EHD2: variants seen among roughly 807,000 people sequenced by gnomAD.
The protein encoded by EHD2 is EH domain containing 2.
Under a neutral mutation model 41.0 loss-of-function variants are expected in EHD2, and 27 were observed. The observed-to-expected ratio is 0.66, with a 90% CI of 0.49 to 0.91. EHD2 has a LOEUF of 0.91. EHD2 is among the 40% of genes least tolerant of loss of function. EHD2 has a pLI of 0.00. For synonymous variants in EHD2, 342 were observed against 341.0 expected, an observed-to-expected ratio of 1.00 and a Z score of -0.03; for missense variants, 673 against 773.9, an observed-to-expected ratio of 0.87 and a Z score of 1.55.
chr19:47,721,038 T>C (rs143420234), intron 3 of EHD2, among the ~76,000 whole-genome samples: 146 of 152,248 alleles, frequency 9.6e-4, no homozygotes, highest in African/African-American at 3.3e-3. Flanking sequence ...TGTGTGCATC[T>C]CACATTATCT....
chr19:47,723,657 A>AAG (rs1248336951), intron 3 of EHD2, among the ~76,000 whole-genome samples: 2 of 142,674 alleles, frequency 1.4e-5, no homozygotes, highest in African/African-American at 5.3e-5. Context: ...CCGTCTGAAA[A>AAG]AAAAAAAAAA....
At chr19:47,731,338 C>T (rs1425624825) in intron 4 of EHD2, 1 of 107,380 alleles carries the variant, frequency 9.3e-6, no homozygotes, top group Non-Finnish European at 2.1e-5. Context: ...TAGATGGAGT[C>T]TCTCTCTATC....
rs771369990 is a variant in EHD2 at position 47,719,162 on chromosome 19, G to A, written c.502+556G>A. ...TGGTGGGAGCGGGCAGGAGCCGCAC[G>A]TCTGGGCAGGCAGGAAGGATGGGAA... On this transcript the variant is annotated intron_variant, in intron 3 of 5. Transcript: ENST00000263277. The surrounding 1 kb of genome is among the most constrained non-coding windows in gnomAD (Gnocchi z 4.1). Among the ~76,000 whole-genome samples, 11 of 152,174 alleles carry A rather than the reference G, an allele frequency of 7.2e-5. No homozygotes were observed. The highest frequency in any genetic ancestry group is 1.5e-4 in the Non-Finnish European group (10 of 68,022).
At chr19:47,721,957 C>T (rs1973700717) in intron 3 of EHD2, among the ~76,000 whole-genome samples, 2 of 150,724 alleles carry the variant, frequency 1.3e-5, no homozygotes, top group South Asian at 4.2e-4. Flanking sequence ...TGCACTCCAG[C>T]CTGGGCGATA....
chr19:47,716,501 C>T (rs1211321979), intron 1 of EHD2, 57 bp from the exon 2 acceptor site: 3 of 1,241,436 alleles, frequency 2.4e-6, no homozygotes, highest in African/African-American at 1.5e-5. Flanking sequence ...ACACTCAGAC[C>T]CCTTTCTTCC....
chr19:47,733,771 A>AAAAAAAAAAAAAAAAAAAAC (rs1568592556), intron 4 of EHD2, among the ~76,000 whole-genome samples: 1 of 149,786 alleles, frequency 6.7e-6, no homozygotes, highest in Non-Finnish European at 1.5e-5. Flanking sequence ...AAAAAAAAAA[A>AAAAAAAAAAAAAAAAAAAAC]AAAATCCACT....
At chr19:47,739,457 T>C (rs922651402) in intron 5 of EHD2, among the ~76,000 whole-genome samples, 7 of 149,272 alleles carry the variant, frequency 4.7e-5, no homozygotes, top group African/African-American at 7.4e-5. Flanking sequence ...GAAAATCAGC[T>C]GGGCATGGTG....
Position 47,741,398 on chromosome 19 carries a change from C to A in EHD2, c.1598C>A (p.Pro533His). Reference sequence around the variant, plus strand: ...AACCTGCCCCGTCGCCTGGTGCCACCCTCCAAGCGACGCCACAAGGGCTCC... The same window carrying A: ...AACCTGCCCCGTCGCCTGGTGCCACACTCCAAGCGACGCCACAAGGGCTCC... The part of the protein sequence containing the change: ...PANLPRRLVP[P>H]SKRRHKGSAE Residue 533 changes from proline (P) to histidine (H), a missense_variant, in exon 6 of 6, where the codon CCC becomes CAC. By Grantham distance (77) the Pro-to-His change is moderately conservative. Transcript: ENST00000263277. This position sits in a 1 kb window ranked among gnomAD's most constrained non-coding sequence, Gnocchi z 4.5. The A allele has an allele frequency of 6.3e-7, 1 of 1,596,028 alleles. No homozygotes were observed.
In EHD2 at chr19:47,718,560, C is replaced by T. The variant is rs371896672; in HGVS notation, c.456C>T (p.Ile152=). The change falls in exon 3 of 6, where the codon ATC becomes ATT. Residue 152 remains isoleucine (I), a synonymous_variant. Coordinates refer to ENST00000263277, the MANE Select transcript of EHD2 (RefSeq NM_014601.4). The part of the protein sequence containing the change: ...PNQVLESISI[I]DTPGILSGAK... ...AGGTCCTGGAGAGCATCAGCATCATCGACACCCCGGGTATCCTGTCGGGTG... is the reference window on the plus strand; with the variant it reads ...AGGTCCTGGAGAGCATCAGCATCATTGACACCCCGGGTATCCTGTCGGGTG... 9.5e-6 allele frequency: 15 copies of T among 1,587,074 alleles called. No homozygotes were observed. Among genetic ancestry groups the T allele is most frequent in the Non-Finnish European group, 1.0e-5 (12 of 1,166,344 alleles).
chr19:47,727,339 C>T (rs1009959759), intron 4 of EHD2, among the ~76,000 whole-genome samples: 9 of 151,922 alleles, frequency 5.9e-5, no homozygotes, highest in Non-Finnish European at 7.4e-5. Flanking sequence ...TCAGGTGATC[C>T]GCTCTCCTTG....
chr19:47,723,344 G>C lies in EHD2; in HGVS notation c.503-2468G>C, dbSNP rs559648019. 8.5e-5 allele frequency among the ~76,000 whole-genome samples: 13 copies of C among 152,260 alleles called. No individual in the cohort carries two copies. The South Asian group carries it at 2.7e-3, about 32-fold the overall frequency. Reference sequence around the variant, plus strand: ...GTTTTTAAAAAAACAGTTTCATTGAGGATTAACGTACACGCCATAAAAACT... The same window carrying C: ...GTTTTTAAAAAAACAGTTTCATTGACGATTAACGTACACGCCATAAAAACT... On this transcript the variant is annotated intron_variant, in intron 3 of 5. Transcript: ENST00000263277.
chr19:47,737,186 G>C (rs1235052215), intron 5 of EHD2, among the ~76,000 whole-genome samples: 1 of 143,662 alleles, frequency 7.0e-6, no homozygotes, highest in Admixed American at 7.0e-5. Flanking sequence ...AGCCAAGATA[G>C]CGCCACTTTA....
At chr19:47,731,279 A>AAAATATATATATATAT in intron 4 of EHD2, 1 of 60,928 alleles carries the variant, frequency 1.6e-5, no homozygotes, top group African/African-American at 4.9e-5. Flanking sequence ...AAAAAAAAAA[A>AAAATATATATATATAT]ATATATATAT....
At chr19:47,731,378 C>T (rs560778914) in intron 4 of EHD2, 1 of 146,506 alleles carries the variant, frequency 6.8e-6, no homozygotes. Flanking sequence ...GGCATGATCT[C>T]GGCTCACTGC....
chr19:47,713,650 C>G (rs1973596613), intron 1 of EHD2, 112 bp downstream of exon 1: 1 of 152,850 alleles, frequency 6.5e-6, no homozygotes, highest in Admixed American at 6.6e-5. Flanking sequence ...CTGTAACGGT[C>G]TCCCCAGGTG....
rs897192554 is a variant in EHD2 at position 47,719,408 on chromosome 19, A to T, written c.502+802A>T. 2.6e-5 allele frequency among the ~76,000 whole-genome samples: 4 copies of T among 152,054 alleles called. No homozygotes were observed. Among genetic ancestry groups the T allele is most frequent in the South Asian group, 2.1e-4 (1 of 4,818 alleles). ...GGCCAAGGCCAGGCCTGGAATTTATAAACAGCTGTGCAAGGAGAGTGGCGG... is the reference window on the plus strand; with the variant it reads ...GGCCAAGGCCAGGCCTGGAATTTATTAACAGCTGTGCAAGGAGAGTGGCGG... On this transcript the variant is annotated intron_variant, in intron 3 of 5. Coordinates refer to ENST00000263277, the MANE Select transcript of EHD2 (RefSeq NM_014601.4). This position sits in a 1 kb window ranked among gnomAD's most constrained non-coding sequence, Gnocchi z 4.1.
intron 3 of EHD2, among the ~76,000 whole-genome samples, chr19:47,721,120 T>C (rs1009571593): frequency 6.6e-6 from 1 of 151,662 alleles, no homozygotes; most frequent in Non-Finnish European, 1.5e-5. Context: ...GGAGCCTGCA[T>C]CTTGTAGTAA....
chr19:47,742,147 T>C lies in EHD2; in HGVS notation c.*715T>C, dbSNP rs28497395. 2.7e-5 allele frequency: 8 copies of C among 292,584 alleles called. No homozygotes were observed. The African/African-American group carries it at 5.3e-4, about 19-fold the overall frequency. 18.1% of individuals were successfully genotyped at this position (292,584 alleles called of 1,614,324 possible). On this transcript the variant is annotated 3_prime_UTR_variant, in exon 6 of 6. Transcript: ENST00000263277. ...TATTTCCTTCCTTCCTTCCTTCTTT[T>C]CTTTCCTTCCTTCCTTCTTTTTTGT...
At chr19:47,718,418 C>T in intron 2 of EHD2, 91 bp from the exon 3 acceptor site, 2 of 1,115,464 alleles carry the variant, frequency 1.8e-6, no homozygotes. Flanking sequence ...GATGCTTTGC[C>T]ATGCGGTCCC....
Sources: allele counts gnomAD v4.1 joint callset (sites outside exome capture counted in the v4.1 genomes callset), GRCh38; gene constraint gnomAD v4.1.1; non-coding constraint Gnocchi (gnomAD v3.1); transcripts MANE v1.5; gene names NCBI Gene and HGNC (gene_info 2026-07-23, HGNC 2026-07-21).